The following NRG3 variants were observed in gnomAD, a reference collection of about 807,000 sequenced individuals.
The protein encoded by NRG3 is neuregulin 3.
Under a neutral mutation model 66.9 loss-of-function variants are expected in NRG3, and 31 were observed. The ratio of observed to expected loss-of-function variants is 0.46; its 90% CI spans 0.35 to 0.63. The LOEUF is 0.63. NRG3 is among the 20% of genes least tolerant of loss of function. The probability of loss-of-function intolerance (pLI) is 0.00; values close to 1 mark genes in which losing one functional copy is unlikely to be tolerated. For synonymous variants in NRG3, 393 were observed against 359.4 expected, an observed-to-expected ratio of 1.09 and a Z score of -1.06; for missense variants, 910 against 878.9, an observed-to-expected ratio of 1.04 and a Z score of -0.45.
chr10:81,959,472 A>T (rs1431071669), intron 1 of NRG3, among the ~76,000 whole-genome samples: 1 of 152,146 alleles, frequency 6.6e-6, no homozygotes, highest in Admixed American at 6.5e-5. Context: ...AGAAAAAAAA[A>T]ATCTATACTA....
At chr10:81,968,528 A>C (rs560756416) in intron 1 of NRG3, among the ~76,000 whole-genome samples, 1 of 152,310 alleles carries the variant, frequency 6.6e-6, no homozygotes, top group African/African-American at 2.4e-5. Context: ...CCCCTCTTCC[A>C]GCTGCCGTGT....
At chr10:82,162,117 A>G (rs942354890) in intron 1 of NRG3, among the ~76,000 whole-genome samples, 7 of 152,122 alleles carry the variant, frequency 4.6e-5, no homozygotes, top group South Asian at 2.1e-4. Context: ...GAATAGGACA[A>G]TAGATTTGGT....
At chr10:82,605,175 AT>A (rs1237564929) in intron 2 of NRG3, among the ~76,000 whole-genome samples, 1 of 151,938 alleles carries the variant, frequency 6.6e-6, no homozygotes, top group African/African-American at 2.4e-5. Flanking sequence ...TAGCTATAGG[AT>A]TTTTTTGTAG....
intron 2 of NRG3, among the ~76,000 whole-genome samples, chr10:82,679,041 G>A (rs190843694): frequency 3.3e-4 from 51 of 152,284 alleles, no homozygotes; most frequent in Admixed American, 3.2e-3. Context: ...TTGTGATGTT[G>A]ACTGGGCTGT....
chr10:82,863,780 A>C (rs1013734253), intron 3 of NRG3, among the ~76,000 whole-genome samples: 1 of 152,154 alleles, frequency 6.6e-6, no homozygotes, highest in Non-Finnish European at 1.5e-5. Flanking sequence ...CTCTTCATCC[A>C]GTGCACATTT....
chr10:82,607,836 T>C (rs970643054), intron 2 of NRG3, among the ~76,000 whole-genome samples: 1 of 152,156 alleles, frequency 6.6e-6, no homozygotes, highest in Non-Finnish European at 1.5e-5. Flanking sequence ...AATAATATTT[T>C]TTTGTATTGC....
chr10:82,830,891 G>A (rs146981947), intron 3 of NRG3, among the ~76,000 whole-genome samples: 438 of 152,256 alleles, frequency 2.9e-3, no homozygotes, highest in African/African-American at 1.0e-2. Context: ...ATTATATACA[G>A]ATTTCTGGCA....
intron 8 of NRG3, among the ~76,000 whole-genome samples, chr10:82,982,680 T>A (rs1414334814): frequency 6.6e-6 from 1 of 152,196 alleles, no homozygotes; most frequent in Non-Finnish European, 1.5e-5. Flanking sequence ...ACTACCTGAT[T>A]GTTTTAATTG....
intron 2 of NRG3, among the ~76,000 whole-genome samples, chr10:82,629,704 G>C (rs2049682673): frequency 6.6e-6 from 1 of 152,148 alleles, no homozygotes; most frequent in Non-Finnish European, 1.5e-5. Context: ...ATACAGATGA[G>C]AGAATTGAAG....
At chr10:82,858,939 T>A (rs2063956939) in intron 3 of NRG3, among the ~76,000 whole-genome samples, 1 of 143,386 alleles carries the variant, frequency 7.0e-6, no homozygotes, top group African/African-American at 2.7e-5. Flanking sequence ...GGCAGTAGTC[T>A]AACTTTTTTT....
chr10:82,798,593 A>T (rs183467577), intron 3 of NRG3, among the ~76,000 whole-genome samples: 1 of 152,312 alleles, frequency 6.6e-6, no homozygotes, highest in African/African-American at 2.4e-5. Flanking sequence ...AAAGGAAAAA[A>T]GCGTGAGTAT....
At chr10:82,005,843 G>A (rs11192141) in intron 1 of NRG3, among the ~76,000 whole-genome samples, 4,428 of 151,838 alleles carry the variant, frequency 0.029, 229 homozygotes, top group African/African-American at 0.1. Flanking sequence ...TTACACTGGT[G>A]AATAAGACAA....
chr10:82,109,287 A>G (rs115227894), intron 1 of NRG3, among the ~76,000 whole-genome samples: 4 of 152,154 alleles, frequency 2.6e-5, no homozygotes, highest in Non-Finnish European at 4.4e-5. Flanking sequence ...GAGTGATTGA[A>G]GAAGGCCACA....
Position 81,875,800 on chromosome 10 carries a change from A to G in NRG3, c.460A>G (p.Ile154Val), listed in dbSNP as rs747994152. The G allele has an allele frequency of 1.2e-6, 2 of 1,609,976 alleles. No homozygotes were observed. The highest frequency in any genetic ancestry group is 1.1e-5 in the South Asian group (1 of 91,064). ...CGCCTCCTCCAGGACGCCCAACCGG[A>G]TTAGCACTCGCCTGACCACCATCAC... The part of the protein sequence containing the change: ...GAASSRTPNR[I>V]STRLTTITRA... The change falls in exon 1 of 9, where the codon ATT becomes GTT. Residue 154 changes from isoleucine (I) to valine (V), a missense_variant. By Grantham distance (29) the Ile-to-Val change is conservative (BLOSUM62 3). Transcript: ENST00000372141. The surrounding 1 kb of genome is among the most constrained non-coding windows in gnomAD (Gnocchi z 5.3).
intron 1 of NRG3, among the ~76,000 whole-genome samples, chr10:82,305,088 G>A (rs111526943): frequency 8.4e-4 from 122 of 145,232 alleles, no homozygotes; most frequent in Admixed American, 2.8e-3. Flanking sequence ...TCCGCCTCCT[G>A]GGTTCACGCC....
At chr10:82,197,328 A>T (rs1484747006) in intron 1 of NRG3, among the ~76,000 whole-genome samples, 1 of 152,166 alleles carries the variant, frequency 6.6e-6, no homozygotes, top group Non-Finnish European at 1.5e-5. Context: ...ATATGCCCAG[A>T]GGTTAAACTT....
intron 2 of NRG3, among the ~76,000 whole-genome samples, chr10:82,611,290 T>C (rs1384629407): frequency 3.3e-5 from 5 of 152,158 alleles, no homozygotes; most frequent in African/African-American, 1.2e-4. Context: ...TATTATACTT[T>C]AAGTTCTAGG....
rs71007288 is a variant in NRG3 at position 82,041,810 on chromosome 10, ATC to A, written c.823+165665_823+165666del. Among the ~76,000 whole-genome samples, 522 of 94,054 alleles carry A rather than the reference ATC, an allele frequency of 5.6e-3. 3 individuals are homozygous for A. Among genetic ancestry groups the A allele is most frequent in the African/African-American group, 0.014 (496 of 34,512 alleles). 61.7% of individuals were successfully genotyped at this position (94,054 alleles called of 152,430 possible). On this transcript the variant is annotated intron_variant, in intron 1 of 8. Transcript: ENST00000372141. ...CATATGAAAGAAGAATGGTCTACTG[ATC>A]TCTCTCTCTCTCTCTCTGTCTATTT...
rs74144348 is a variant in NRG3 at position 82,805,783 on chromosome 10, T to C, written c.1028-59628T>C. 8.4e-3 allele frequency among the ~76,000 whole-genome samples: 1,277 copies of C among 152,320 alleles called. 20 individuals are homozygous for C. Among genetic ancestry groups the C allele is most frequent in the African/African-American group, 0.029 (1,226 of 41,560 alleles). On this transcript the variant is annotated intron_variant, in intron 3 of 8. Coordinates refer to ENST00000372141, the MANE Select transcript of NRG3 (RefSeq NM_001010848.4). ...AGCAACCTGAGCCTCTGGGCCTTTG[T>C]AAAATTGCAGAGATGGTCCTATAGT...
Sources: gnomAD v4.1 joint callset for allele counts (sites outside exome capture counted in the v4.1 genomes callset) on GRCh38, gnomAD v4.1.1 for gene constraint, Gnocchi (gnomAD v3.1) non-coding constraint, MANE v1.5 for transcripts, NCBI Gene and HGNC (gene_info 2026-07-23, HGNC 2026-07-21) for gene names.